Variants in PTPRQ observed in about 807,000 individuals in gnomAD.
PTPRQ encodes protein tyrosine phosphatase receptor type Q, also known as phosphatidylinositol phosphatase PTPRQ.
A neutral mutation model predicts 246.0 loss-of-function variants in PTPRQ; 199 were observed. The ratio of observed to expected loss-of-function variants is 0.81; its 90% CI spans 0.72 to 0.91. The LOEUF (loss-of-function observed/expected upper bound fraction) is 0.91, where lower values mean the gene tolerates loss of function less well. Ranked by LOEUF, PTPRQ falls within the 40% of genes least tolerant of loss-of-function variation. The pLI is 0.00. For missense variants in PTPRQ, 2,624 were observed against 2,528.4 expected (o/e 1.04, Z -0.81); for synonymous variants, 869 against 853.2 (o/e 1.02, Z -0.32).
intron 26 of PTPRQ, among the ~76,000 whole-genome samples, chr12:80,589,082 A>G (rs572319760): frequency 1.3e-5 from 2 of 152,350 alleles, no homozygotes; most frequent in Non-Finnish European, 2.9e-5. Flanking sequence ...CATACAAACC[A>G]CTAAATGTAT....
chr12:80,448,472 C>CTGGTGTGCTGCATGGTGTGCAGATG (rs1388796438), intron 3 of PTPRQ, among the ~76,000 whole-genome samples: 7 of 152,002 alleles, frequency 4.6e-5, no homozygotes, highest in Non-Finnish European at 7.4e-5. Flanking sequence ...GTGCTGCACC[C>CTGGTGTGCTGCATGGTGTGCAGATG]ACTAACTCGT....
intron 17 of PTPRQ, among the ~76,000 whole-genome samples, chr12:80,511,792 A>G (rs1199988883): frequency 6.6e-6 from 1 of 152,230 alleles, no homozygotes; most frequent in Non-Finnish European, 1.5e-5. Flanking sequence ...AAGGAGGTCA[A>G]TGTTGCTGGG....
At chr12:80,447,025 C>T (rs1180406393) in intron 3 of PTPRQ, among the ~76,000 whole-genome samples, 2 of 152,028 alleles carry the variant, frequency 1.3e-5, no homozygotes, top group Non-Finnish European at 2.9e-5. Flanking sequence ...TTTCTAGCAA[C>T]AGTGTATTAG....
intron 25 of PTPRQ, among the ~76,000 whole-genome samples, chr12:80,573,712 A>T (rs1897210982): frequency 6.6e-6 from 1 of 152,136 alleles, no homozygotes; most frequent in Admixed American, 6.5e-5. Flanking sequence ...TCCTGATTTT[A>T]TTCATGATGT....
chr12:80,583,231 C>A (rs999543254), intron 25 of PTPRQ, among the ~76,000 whole-genome samples: 2 of 152,238 alleles, frequency 1.3e-5, no homozygotes, highest in African/African-American at 4.8e-5. Flanking sequence ...TATTGAATCA[C>A]CATTTTGTTT....
chr12:80,609,309 G>A (rs934432308), intron 27 of PTPRQ, among the ~76,000 whole-genome samples: 1 of 150,482 alleles, frequency 6.6e-6, no homozygotes, highest in African/African-American at 2.4e-5. Flanking sequence ...AATAAAATAT[G>A]TTCTTAGCAA....
chr12:80,568,980 C>T (rs1332766318), intron 25 of PTPRQ, among the ~76,000 whole-genome samples: 2 of 152,050 alleles, frequency 1.3e-5, no homozygotes, highest in Non-Finnish European at 2.9e-5. Flanking sequence ...ACCATAGTAA[C>T]AAAAATTCAA....
chr12:80,583,484 A>T (rs1897512435), intron 25 of PTPRQ, among the ~76,000 whole-genome samples: 1 of 152,166 alleles, frequency 6.6e-6, no homozygotes, highest in Admixed American at 6.5e-5. Context: ...ATAGGAAAGT[A>T]AATATCAGTT....
chr12:80,465,623 G>C (rs1227401340), intron 6 of PTPRQ: 3 of 152,112 alleles, frequency 2.0e-5, no homozygotes, highest in Non-Finnish European at 2.9e-5. Context: ...ACTGGCAAAT[G>C]GAATCCAGCA....
At chr12:80,670,273 G>C in intron 41 of PTPRQ, 71 bp from the exon 42 acceptor site, 2 of 1,525,652 alleles carry the variant, frequency 1.3e-6, no homozygotes, top group African/African-American at 1.4e-5. Context: ...CAAAAACTGG[G>C]ACTATTGCCT....
At chr12:80,523,974 T>A (rs1417588769) in intron 17 of PTPRQ, among the ~76,000 whole-genome samples, 1 of 152,188 alleles carries the variant, frequency 6.6e-6, no homozygotes, top group African/African-American at 2.4e-5. Context: ...TGTTAAAGTC[T>A]CCCATTATTA....
intron 25 of PTPRQ, among the ~76,000 whole-genome samples, chr12:80,582,598 T>G (rs1245040694): frequency 6.6e-6 from 1 of 152,170 alleles, no homozygotes; most frequent in Non-Finnish European, 1.5e-5. Context: ...GGAGGCTGGT[T>G]CTCACCAGAA....
In PTPRQ at chr12:80,506,147, G is replaced by T; in HGVS notation, c.2396G>T (p.Arg799Ile). ...CAAAAATATACAATTTATCTCAAGA[G>T]AAGTAATGGAAATGAGGAAAGAACT... ...IIQKYTIYLK[R>I]SNGNEERTIN... Residue 799 changes from arginine (R) to isoleucine (I), a missense_variant, in exon 15 of 45, where the codon AGA (arginine) becomes ATA (isoleucine). Transcript: ENST00000644991. The T allele has an allele frequency of 6.5e-7, 1 of 1,533,202 alleles. No individual in the cohort carries two copies. The highest frequency in any genetic ancestry group is 8.8e-7 in the Non-Finnish European group (1 of 1,140,338). 95.0% of individuals were successfully genotyped at this position (1,533,202 alleles called of 1,614,324 possible).
Position 80,459,324 on chromosome 12 carries a change from C to T in PTPRQ, c.501C>T (p.Asn167=), listed in dbSNP as rs970890055. Residue 167 remains asparagine, a synonymous_variant, in exon 5 of 45, where the codon AAC becomes AAT. Transcript: ENST00000644991. ...KVVNLTVEAY[N]ASAVKLIWYL... ...TGAATCTCACAGTTGAGGCCTACAA[C>T]GCTTCAGCAGTTAAGCTGATTTGGT... 8.5e-5 allele frequency: 34 copies of T among 398,456 alleles called. No homozygotes were observed. The highest frequency in any genetic ancestry group is 4.0e-4 in the Admixed American group (9 of 22,730). 24.7% of individuals were successfully genotyped at this position (398,456 alleles called of 1,614,324 possible). A position where few individuals can be genotyped will look rare whatever the true frequency, so the allele number is the denominator to read the frequency against.
At chr12:80,571,617 A>G (rs1327387386) in intron 25 of PTPRQ, among the ~76,000 whole-genome samples, 5 of 152,158 alleles carry the variant, frequency 3.3e-5, no homozygotes. Context: ...TTGTGAAAAT[A>G]ATATCCTGGG....
chr12:80,613,527 A>G, intron 28 of PTPRQ, 65 bp from the exon 29 acceptor site: 2 of 1,410,752 alleles, frequency 1.4e-6, no homozygotes, highest in South Asian at 2.9e-5. Context: ...AAGCAAATAA[A>G]TTTATGTGGA....
chr12:80,449,381 G>T (rs1288793690), intron 3 of PTPRQ, among the ~76,000 whole-genome samples: 7 of 151,988 alleles, frequency 4.6e-5, no homozygotes, highest in Admixed American at 6.6e-5. Flanking sequence ...TTAGTTTAAT[G>T]AGATCCCATT....
chr12:80,455,027 G>C (rs1592523089), intron 3 of PTPRQ, among the ~76,000 whole-genome samples: 1 of 152,248 alleles, frequency 6.6e-6, no homozygotes, highest in Non-Finnish European at 1.5e-5. Flanking sequence ...CAAGAAATTA[G>C]CTGGGCATGG....
chr12:80,540,118 C>T (rs1592631435), intron 20 of PTPRQ, among the ~76,000 whole-genome samples, 174 bp downstream of exon 20: 2 of 152,150 alleles, frequency 1.3e-5, no homozygotes, highest in African/African-American at 4.8e-5. Flanking sequence ...ATAGCCTCTT[C>T]TGTTCAAGAA....
Sources: allele counts gnomAD v4.1 joint callset (sites outside exome capture counted in the v4.1 genomes callset), GRCh38; gene constraint gnomAD v4.1.1; transcripts MANE v1.5; gene names NCBI Gene and HGNC (gene_info 2026-07-23, HGNC 2026-07-21).